Variants in NTRK1 observed in about 807,000 individuals in gnomAD.
NTRK1 encodes the protein neurotrophic receptor tyrosine kinase 1.
A neutral mutation model predicts 86.8 loss-of-function variants in NTRK1; 62 were observed. That is an observed-to-expected ratio of 0.71 (90% confidence interval 0.58 to 0.88). NTRK1 has a LOEUF of 0.88. Ranked by LOEUF, NTRK1 falls within the 40% of genes least tolerant of loss-of-function variation. The pLI, the probability that NTRK1 is intolerant of heterozygous loss-of-function variation, is 0.00. For missense variants in NTRK1, 967 were observed against 1,078.4 expected (o/e 0.90, Z 1.45); for synonymous variants, 469 against 456.6 (o/e 1.03, Z -0.35).
At chr1:156,844,286 A>G in intron 2 of NTRK1, 1 of 1,606,374 alleles carries the variant, frequency 6.2e-7, no homozygotes, top group Non-Finnish European at 8.5e-7. Context: ...CTCCTCTGGC[A>G]GTCAGAGGGC....
At chr1:156,844,910 C>A in intron 2 of NTRK1, 2 of 1,597,068 alleles carry the variant, frequency 1.3e-6, no homozygotes, top group Non-Finnish European at 1.7e-6. Context: ...CAAACCCAAG[C>A]TAAACTGGGC....
At chr1:156,841,754 G>T in intron 1 of NTRK1, 4 of 1,614,150 alleles carry the variant, frequency 2.5e-6, no homozygotes, top group East Asian at 2.2e-5. Context: ...CACCCTTGCG[G>T]TAATAGTCTG....
intron 1 of NTRK1, among the ~76,000 whole-genome samples, chr1:156,832,314 C>T (rs970502108): frequency 6.6e-6 from 1 of 152,086 alleles, no homozygotes; most frequent in African/African-American, 2.4e-5. Context: ...GATACAAAGA[C>T]AAATGAGACA....
At position 156,881,608 on chromosome 1, in the gene NTRK1, A is replaced by G. The variant is rs1648267950; in HGVS notation, c.2357A>G (p.Gln786Arg). ...CACGCCCGGCTGCAAGCCCTGGCCC[A>G]GGCACCTCCTGTCTACCTGGATGTC... ...DVHARLQALA[Q>R]APPVYLDVLG is the part of the protein sequence containing the mutation. The change falls in exon 17 of 17, where the codon CAG (glutamine) becomes CGG (arginine). Residue 786 changes from glutamine to arginine, a missense_variant. Around this residue, in one of 2 missense-constraint regions of NTRK1, gnomAD observed 637 missense variants for 776.5 expected, o/e 0.82. Transcript: ENST00000524377. The G allele has an allele frequency of 6.2e-7, 1 of 1,610,586 alleles. No individual in the cohort carries two copies. The highest frequency in any genetic ancestry group is 1.1e-5 in the South Asian group (1 of 90,438).
rs148270992 is a variant in NTRK1 at position 156,879,218 on chromosome 1, C to T, written c.1902C>T (p.Val634=). Residue 634 remains valine, a synonymous_variant, in exon 15 of 17, where the codon GTC becomes GTT. Coordinates refer to ENST00000524377, the MANE Select transcript of NTRK1 (RefSeq NM_002529.4). ...AGCTGCTGGCCGTGGCTAGCCAGGT[C>T]GCTGCGGGGATGGTGTACCTGGCGG... The part of the protein sequence containing the change: ...LGQLLAVASQ[V]AAGMVYLAGL... 4.1e-5 allele frequency: 66 copies of T among 1,613,870 alleles called. No individual in the cohort carries two copies. Among genetic ancestry groups the T allele is most frequent in the Middle Eastern group, 1.6e-4 (1 of 6,084 alleles).
At position 156,881,618 on chromosome 1, in the gene NTRK1, TGTCTACC is replaced by T. The variant is rs1558109788; in HGVS notation, c.2368_2374del (p.Val790TrpfsTer28). On this transcript the variant is annotated frameshift_variant, in exon 17 of 17. Transcript: ENST00000524377. LOFTEE classifies it high-confidence loss of function. ...TGCAAGCCCTGGCCCAGGCACCTCC[TGTCTACC>T]TGGATGTCCTGGGCTAGGGGGCCGG... 1 of 1,609,880 alleles carries T rather than the reference TGTCTACC, an allele frequency of 6.2e-7. No homozygotes were observed. Among genetic ancestry groups the T allele is most frequent in the Non-Finnish European group, 8.5e-7 (1 of 1,178,594 alleles).
intron 1 of NTRK1, among the ~76,000 whole-genome samples, chr1:156,820,261 T>C (rs1054869509): frequency 6.6e-6 from 1 of 152,164 alleles, no homozygotes; most frequent in East Asian, 1.9e-4. Flanking sequence ...TTTGTTTATT[T>C]TTTGAAACAG....
At position 156,846,820 on chromosome 1, in the gene NTRK1, G is replaced by A. The variant is rs61813769; in HGVS notation, c.50+4627G>A. The A allele has an allele frequency of 5.6e-4, 727 of 1,299,846 alleles. 2 individuals carry two copies. Among genetic ancestry groups the A allele is most frequent in the Non-Finnish European group, 7.7e-4 (695 of 899,016 alleles). The allele number at this position is 1,299,846 out of a possible 1,614,324, so 80.5% of individuals were successfully genotyped here. A position where few individuals can be genotyped will look rare whatever the true frequency, so the allele number is the denominator to read the frequency against. ...CCCACCCTCAAGTTCTGGCACCCCC[G>A]CTCTGAATCACCCCAGGACTGTCAT... On this transcript the variant is annotated intron_variant, in intron 2 of 16. Transcript: ENST00000392302.
chr1:156,831,815 C>T (rs899794418), intron 1 of NTRK1, among the ~76,000 whole-genome samples: 10 of 152,214 alleles, frequency 6.6e-5, no homozygotes, highest in Non-Finnish European at 7.3e-5. Context: ...AGTGCTGGAA[C>T]TAGAGGGCTA....
At chr1:156,833,678 C>G (rs1465075863) in intron 1 of NTRK1, among the ~76,000 whole-genome samples, 1 of 152,186 alleles carries the variant, frequency 6.6e-6, no homozygotes, top group Admixed American at 6.5e-5. Flanking sequence ...TTTCTTGGCT[C>G]TAAACCCTCC....
intron 1 of NTRK1, among the ~76,000 whole-genome samples, chr1:156,834,380 C>T (rs1186064887): frequency 6.6e-6 from 1 of 152,164 alleles, no homozygotes; most frequent in African/African-American, 2.4e-5. Flanking sequence ...GCTGGAAAGG[C>T]AGGTTGCAGC....
chr1:156,820,783 A>T (rs1276371081), intron 1 of NTRK1, among the ~76,000 whole-genome samples: 1 of 152,144 alleles, frequency 6.6e-6, no homozygotes, highest in African/African-American at 2.4e-5. Flanking sequence ...TTTTGGTTCC[A>T]TGTGAATTTT....
At chr1:156,856,584 C>T (rs1655411502), upstream of NTRK1, among the ~76,000 whole-genome samples, 1 of 152,170 alleles carries the variant, frequency 6.6e-6, no homozygotes, top group Non-Finnish European at 1.5e-5. Flanking sequence ...AATCACTTCC[C>T]CTTTAGGCTC....
intron 1 of NTRK1, chr1:156,841,087 C>T (rs370122814): frequency 6.4e-6 from 10 of 1,562,924 alleles, no homozygotes; most frequent in African/African-American, 2.7e-5. Flanking sequence ...CTGCCAGCAG[C>T]GGCTCATCAG....
chr1:156,867,035 C>T, intron 4 of NTRK1, 57 bp downstream of exon 4: 1 of 1,569,928 alleles, frequency 6.4e-7, no homozygotes, highest in East Asian at 2.2e-5. Flanking sequence ...CCTGTGTGCA[C>T]TTGGGTCTGT....
intron 1 of NTRK1, among the ~76,000 whole-genome samples, chr1:156,816,501 A>C (rs1653948860): frequency 6.6e-6 from 1 of 152,214 alleles, no homozygotes; most frequent in Non-Finnish European, 1.5e-5. Context: ...CTCAGGGATG[A>C]GTGGGCATGG....
rs750799657 is a variant in NTRK1 at position 156,874,595 on chromosome 1, C to T, written c.1220C>T (p.Pro407Leu). Residue 407 changes from proline to leucine, a missense_variant, in exon 10 of 17, where the codon CCG becomes CTG. By Grantham distance (98) the Pro-to-Leu change is moderately conservative (BLOSUM62 -3). Coordinates refer to ENST00000524377, the MANE Select transcript of NTRK1 (RefSeq NM_002529.4). Reference protein sequence around the residue: ...PVDTNSTSGDPVEKKDETPFG... With the variant: ...PVDTNSTSGDLVEKKDETPFG... ...GACACTAACAGCACATCTGGAGACCCGGTGGAGAAGAAGGACGAAACACCT... is the reference window on the plus strand; with the variant it reads ...GACACTAACAGCACATCTGGAGACCTGGTGGAGAAGAAGGACGAAACACCT... The T allele has an allele frequency of 1.1e-5, 18 of 1,613,906 alleles. No homozygotes were observed. The highest frequency in any genetic ancestry group is 1.6e-4 in the Middle Eastern group (1 of 6,082).
chr1:156,860,348 C>G (rs1013422648), upstream of NTRK1, among the ~76,000 whole-genome samples: 2 of 152,252 alleles, frequency 1.3e-5, no homozygotes, highest in African/African-American at 2.4e-5. Flanking sequence ...TTTCTCTGCC[C>G]CGTCTGTGTC....
At chr1:156,841,301 A>G in intron 1 of NTRK1, 1 of 1,226,592 alleles carries the variant, frequency 8.2e-7, no homozygotes, top group Non-Finnish European at 1.2e-6. Context: ...TGGATGTCAA[A>G]GCATCAGAGG....
Sources: gnomAD v4.1 joint callset for allele counts (sites outside exome capture counted in the v4.1 genomes callset) on GRCh38, gnomAD v4.1.1 for gene constraint, gnomAD v4.1.1 regional missense constraint, MANE v1.5 for transcripts, NCBI Gene and HGNC (gene_info 2026-07-23, HGNC 2026-07-21) for gene names.